INHBC: variants seen among roughly 807,000 people sequenced by gnomAD.
The protein encoded by INHBC is inhibin subunit beta C, also known as inhibin beta C chain.
A neutral mutation model predicts 12.4 loss-of-function variants in INHBC; 10 were observed. The observed-to-expected ratio is 0.81, with a 90% CI of 0.50 to 1.37. INHBC has a LOEUF of 1.37. Among genes scored for constraint, INHBC ranks in the 40% most tolerant of loss-of-function variants. INHBC has a pLI of 0.00. For missense variants in INHBC, 382 were observed against 439.4 expected (o/e 0.87, Z 1.17); for synonymous variants, 147 against 171.6 (o/e 0.86, Z 1.12).
intron 1 of INHBC, among the ~76,000 whole-genome samples, chr12:57,447,892 A>AATATATATATATATATATAT (rs1241342566): frequency 8.6e-4 from 17 of 19,862 alleles, no homozygotes; most frequent in Non-Finnish European, 1.5e-3. Flanking sequence ...AAAAAAAAAA[A>AATATATATATATATATATAT]ATATATATAT....
intron 1 of INHBC, among the ~76,000 whole-genome samples, chr12:57,436,616 G>GACT (rs1274364100): frequency 6.6e-6 from 1 of 151,478 alleles, no homozygotes; most frequent in Non-Finnish European, 1.5e-5. Context: ...AAGTAGCTGG[G>GACT]ACTACAGGTA....
Position 57,450,058 on chromosome 12 carries a change from G to GA in INHBC, c.*40dup. The GA allele has an allele frequency of 6.8e-7, 1 of 1,476,916 alleles. No individual in the cohort carries two copies. Among genetic ancestry groups the GA allele is most frequent in the Non-Finnish European group, 8.9e-7 (1 of 1,119,142 alleles). The allele number at this position is 1,476,916 out of a possible 1,614,324, so 91.5% of individuals were successfully genotyped here. A position where few individuals can be genotyped will look rare whatever the true frequency, so the allele number is the denominator to read the frequency against. ...GTATGGGCAGCCCAAGGTTGCATGGGAAAACACGCCCCTACAGAAGTGCAC... is the reference window on the plus strand; with the variant it reads ...GTATGGGCAGCCCAAGGTTGCATGGGAAAAACACGCCCCTACAGAAGTGCAC... On this transcript the variant is annotated 3_prime_UTR_variant, in exon 2 of 2. Coordinates refer to ENST00000309668, the MANE Select transcript of INHBC (RefSeq NM_005538.4).
At chr12:57,435,859 T>C (rs1204654616) in intron 1 of INHBC, among the ~76,000 whole-genome samples, 2 of 151,896 alleles carry the variant, frequency 1.3e-5, no homozygotes, top group African/African-American at 4.8e-5. Context: ...TTTTTTTTTT[T>C]TTCCTGAGAC....
chr12:57,448,427 G>A (rs561223939), intron 1 of INHBC, among the ~76,000 whole-genome samples: 65 of 152,074 alleles, frequency 4.3e-4, no homozygotes, highest in African/African-American at 8.9e-4. Flanking sequence ...AAATTAACTG[G>A]GAGTGGTGGC....
chr12:57,451,916 T>G lies in INHBC; in HGVS notation c.*1894T>G. 1 of 444,654 alleles carries G rather than the reference T, an allele frequency of 2.2e-6. No homozygotes were observed. Among genetic ancestry groups the G allele is most frequent in the South Asian group, 1.6e-5 (1 of 62,286 alleles). 27.5% of individuals were successfully genotyped at this position (444,654 alleles called of 1,614,324 possible). ...GGTAAAGCAAAGTGAGTCATTCACCTGGGGGGGCTAAATTTTAAGGGGGTG... is the reference window on the plus strand; with the variant it reads ...GGTAAAGCAAAGTGAGTCATTCACCGGGGGGGGCTAAATTTTAAGGGGGTG... On this transcript the variant is annotated 3_prime_UTR_variant, in exon 2 of 2. Transcript: ENST00000309668.
chr12:57,434,943 T>C lies in INHBC; in HGVS notation c.57T>C (p.Thr19=), dbSNP rs1381349288. Residue 19 remains threonine (T), a synonymous_variant, in exon 1 of 2, where the codon ACT becomes ACC. Transcript: ENST00000309668. The part of the protein sequence containing the change: ...FLLLAPTTVA[T]PRAGGQCPAC... ...TCCTGGCTCCAACCACAGTGGCCACTCCCAGAGCTGGCGGTCAGTGTCCAG... is the reference window on the plus strand; with the variant it reads ...TCCTGGCTCCAACCACAGTGGCCACCCCCAGAGCTGGCGGTCAGTGTCCAG... 2 of 1,614,052 alleles carry C rather than the reference T, an allele frequency of 1.2e-6. No homozygotes were observed. Among genetic ancestry groups the C allele is most frequent in the East Asian group, 4.5e-5 (2 of 44,890 alleles).
At position 57,451,994 on chromosome 12, in the gene INHBC, C is replaced by A. The variant is rs1015279200; in HGVS notation, c.*1972C>A. ...CTTTAATGCAATATTATTTTAAAGTCAAAATTAATGCAAAAAATCCATGAT... is the reference window on the plus strand; with the variant it reads ...CTTTAATGCAATATTATTTTAAAGTAAAAATTAATGCAAAAAATCCATGAT... On this transcript the variant is annotated 3_prime_UTR_variant, in exon 2 of 2. Transcript: ENST00000309668. The A allele has an allele frequency of 8.8e-6, 3 of 341,576 alleles. No individual in the cohort carries two copies. Among genetic ancestry groups the A allele is most frequent in the South Asian group, 2.2e-5 (1 of 46,182 alleles). The allele number at this position is 341,576 out of a possible 1,614,324, so 21.2% of individuals were successfully genotyped here. A position where few individuals can be genotyped will look rare whatever the true frequency, so the allele number is the denominator to read the frequency against.
At position 57,451,324 on chromosome 12, in the gene INHBC, C is replaced by T; in HGVS notation, c.*1302C>T. Among the ~76,000 whole-genome samples, 1 of 152,198 alleles carries T rather than the reference C, an allele frequency of 6.6e-6. No homozygotes were observed. Among genetic ancestry groups the T allele is most frequent in the East Asian group, 1.9e-4 (1 of 5,194 alleles). On this transcript the variant is annotated 3_prime_UTR_variant, in exon 2 of 2. Coordinates refer to ENST00000309668, the MANE Select transcript of INHBC (RefSeq NM_005538.4). Reference sequence around the variant, plus strand: ...GCAGAGGCATGCTCAGAGCTGGCTGCCAGGACCTCTGACTTGCCTTCCTTT... The same window carrying T: ...GCAGAGGCATGCTCAGAGCTGGCTGTCAGGACCTCTGACTTGCCTTCCTTT...
intron 1 of INHBC, among the ~76,000 whole-genome samples, chr12:57,448,195 G>A (rs1458061537): frequency 6.6e-6 from 1 of 151,864 alleles, no homozygotes; most frequent in African/African-American, 2.4e-5. Context: ...GAAGCTTGGT[G>A]ATTTCCAAAT....
intron 1 of INHBC, among the ~76,000 whole-genome samples, chr12:57,447,880 AAAAAAAAAAAAAATAT>A (rs1870614353): frequency 1.4e-5 from 1 of 73,278 alleles, no homozygotes; most frequent in African/African-American, 4.2e-5. Context: ...AAAAAAAAAA[AAAAAAAAAAAAAATAT>A]ATATATATAT....
Position 57,450,084 on chromosome 12 carries a change from T to C in INHBC, c.*62T>C, listed in dbSNP as rs1342883765. ...AAAACACGCCCCTACAGAAGTGCAC[T>C]TCCTTGAGAGGAGGGAATGACCTCA... On this transcript the variant is annotated 3_prime_UTR_variant, in exon 2 of 2. Coordinates refer to ENST00000309668, the MANE Select transcript of INHBC (RefSeq NM_005538.4). 4.9e-6 allele frequency: 7 copies of C among 1,439,438 alleles called. No individual in the cohort carries two copies. The East Asian group carries it at 1.4e-4, about 30-fold the overall frequency. The allele number at this position is 1,439,438 out of a possible 1,614,324, so 89.2% of individuals were successfully genotyped here. A position where few individuals can be genotyped will look rare whatever the true frequency, so the allele number is the denominator to read the frequency against.
chr12:57,449,511 G>A lies in INHBC; in HGVS notation c.548G>A (p.Gly183Glu). 6.2e-7 allele frequency: 1 copy of A among 1,614,136 alleles called. No homozygotes were observed. Among genetic ancestry groups the A allele is most frequent in the Non-Finnish European group, 8.5e-7 (1 of 1,180,008 alleles). The part of the protein sequence containing the change: ...DASGWHQLPL[G>E]PEAQAACSQG... ...AGTGGCTGGCATCAACTCCCCCTAGGGCCTGAAGCTCAAGCTGCCTGCAGC... is the reference window on the plus strand; with the variant it reads ...AGTGGCTGGCATCAACTCCCCCTAGAGCCTGAAGCTCAAGCTGCCTGCAGC... Residue 183 changes from glycine to glutamate, a missense_variant, in exon 2 of 2, where the codon GGG becomes GAG. Transcript: ENST00000309668.
chr12:57,442,443 C>T (rs1870486436), intron 1 of INHBC, among the ~76,000 whole-genome samples: 1 of 152,122 alleles, frequency 6.6e-6, no homozygotes, highest in South Asian at 2.1e-4. Flanking sequence ...TGCTTTGTGA[C>T]CTAGCAAGGA....
intron 1 of INHBC, 69 bp downstream of exon 1, chr12:57,435,268 G>A: frequency 7.0e-7 from 1 of 1,420,446 alleles, no homozygotes. Context: ...TTCCTCGCCA[G>A]ACTTACCTCT....
At chr12:57,437,974 C>T (rs1368684598) in intron 1 of INHBC, among the ~76,000 whole-genome samples, 7 of 151,894 alleles carry the variant, frequency 4.6e-5, no homozygotes, top group African/African-American at 1.7e-4. Context: ...TTAGTAGAGA[C>T]GGGGTTTCAC....
chr12:57,439,264 G>A (rs1870408626), intron 1 of INHBC, among the ~76,000 whole-genome samples: 1 of 152,154 alleles, frequency 6.6e-6, no homozygotes, highest in Non-Finnish European at 1.5e-5. Context: ...GGGAGAATAG[G>A]AGACACAGAG....
chr12:57,446,400 G>A (rs984131199), intron 1 of INHBC, among the ~76,000 whole-genome samples: 1 of 152,096 alleles, frequency 6.6e-6, no homozygotes, highest in Non-Finnish European at 1.5e-5. Flanking sequence ...GAAAGCCATG[G>A]AATGGATGAT....
At chr12:57,436,376 G>A (rs1870337541) in intron 1 of INHBC, among the ~76,000 whole-genome samples, 1 of 150,300 alleles carries the variant, frequency 6.7e-6, no homozygotes, top group South Asian at 2.1e-4. Flanking sequence ...TGTTGGCCAC[G>A]CTGGTCTCGA....
chr12:57,447,910 TATATATATATATAA>T (rs1423876474), intron 1 of INHBC, among the ~76,000 whole-genome samples: 1 of 97,084 alleles, frequency 1.0e-5, no homozygotes, highest in South Asian at 3.7e-4. Context: ...TATATATATA[TATATATATATATAA>T]AATATATGTG....
Sources: gnomAD v4.1 joint callset for allele counts (sites outside exome capture counted in the v4.1 genomes callset) on GRCh38, gnomAD v4.1.1 for gene constraint, MANE v1.5 for transcripts, NCBI Gene and HGNC (gene_info 2026-07-23, HGNC 2026-07-21) for gene names.